The following SLC4A4 variants were observed in gnomAD, a reference collection of about 807,000 sequenced individuals.
SLC4A4 encodes solute carrier family 4 member 4, also known as electrogenic sodium bicarbonate cotransporter 1.
In SLC4A4, 27 loss-of-function variants were observed where a neutral mutation model predicts 111.5. That is an observed-to-expected ratio of 0.24 (90% CI 0.18 to 0.33). The LOEUF (loss-of-function observed/expected upper bound fraction) is 0.33. SLC4A4 is among the 10% of genes least tolerant of loss of function. SLC4A4 has a pLI of 1.00. For missense variants in SLC4A4, 909 were observed against 1,315.5 expected (o/e 0.69, Z 4.78); for synonymous variants, 443 against 463.4 (o/e 0.96, Z 0.57).
intron 1 of SLC4A4, among the ~76,000 whole-genome samples, chr4:71,234,821 A>G (rs2149035950): frequency 6.6e-6 from 1 of 152,216 alleles, no homozygotes; most frequent in Non-Finnish European, 1.5e-5. Flanking sequence ...TTTTAGTTTG[A>G]GTATAGAGAA....
chr4:71,419,745 C>T (rs528615012), intron 7 of SLC4A4, among the ~76,000 whole-genome samples: 24 of 152,320 alleles, frequency 1.6e-4, no homozygotes, highest in African/African-American at 4.3e-4. Context: ...GAGATGAACC[C>T]GGTACCTCAG....
chr4:71,103,124 GT>G (rs1742808378), intron 2 of SLC4A4, among the ~76,000 whole-genome samples: 1 of 151,912 alleles, frequency 6.6e-6, no homozygotes, highest in African/African-American at 2.4e-5. Flanking sequence ...TGCAATCCTA[GT>G]TTCTGATAAA....
intron 6 of SLC4A4, among the ~76,000 whole-genome samples, chr4:71,382,553 A>G (rs1044204676): frequency 6.6e-6 from 1 of 152,222 alleles, no homozygotes; most frequent in Non-Finnish European, 1.5e-5. Context: ...TACCTGGGAT[A>G]TTGAAACAGT....
chr4:71,286,020 C>T (rs892042843), intron 3 of SLC4A4, among the ~76,000 whole-genome samples: 18 of 152,060 alleles, frequency 1.2e-4, no homozygotes, highest in Admixed American at 6.6e-5. Flanking sequence ...GGGTGGATCA[C>T]GAGGTCAGAA....
At chr4:71,080,255 C>T (rs371682582) in intron 1 of SLC4A4, among the ~76,000 whole-genome samples, 1 of 152,024 alleles carries the variant, frequency 6.6e-6, no homozygotes. Flanking sequence ...AGAGACTACC[C>T]ACGAGTGTCC....
At chr4:71,180,808 G>C (rs540781141) in intron 2 of SLC4A4, among the ~76,000 whole-genome samples, 17 of 152,232 alleles carry the variant, frequency 1.1e-4, no homozygotes, top group African/African-American at 4.1e-4. Context: ...CAGGGATCTA[G>C]AACTAGCAAT....
chr4:71,240,941 A>G (rs1720160690), intron 2 of SLC4A4, among the ~76,000 whole-genome samples: 1 of 151,924 alleles, frequency 6.6e-6, no homozygotes, highest in South Asian at 2.1e-4. Flanking sequence ...AACATGGCAA[A>G]ACCCCATGTC....
chr4:71,071,337 G>T (rs1741655011), intron 1 of SLC4A4, among the ~76,000 whole-genome samples: 1 of 151,346 alleles, frequency 6.6e-6, no homozygotes, highest in South Asian at 2.1e-4. Context: ...TCAATGGAAA[G>T]ATCTAAGACC....
intron 6 of SLC4A4, among the ~76,000 whole-genome samples, chr4:71,368,277 A>G (rs1731519788): frequency 6.6e-6 from 1 of 152,238 alleles, no homozygotes. Flanking sequence ...TGTAGCCTGC[A>G]ACATTATTTA....
intron 6 of SLC4A4, 150 bp downstream of exon 6, chr4:71,357,337 C>T (rs1346909660): frequency 6.2e-6 from 5 of 809,086 alleles, no homozygotes; most frequent in Non-Finnish European, 1.0e-5. Context: ...CATTTTTAAT[C>T]CAGTTGGACA....
chr4:71,359,162 A>G (rs1262018751), intron 6 of SLC4A4, among the ~76,000 whole-genome samples: 1 of 152,236 alleles, frequency 6.6e-6, no homozygotes, highest in Non-Finnish European at 1.5e-5. Flanking sequence ...AATACAACTA[A>G]TGAGTTAATA....
intron 1 of SLC4A4, among the ~76,000 whole-genome samples, chr4:71,196,069 C>G (rs1373124064): frequency 6.6e-6 from 1 of 152,178 alleles, no homozygotes; most frequent in Non-Finnish European, 1.5e-5. Flanking sequence ...GGCTGCACTC[C>G]TGAAACTCTC....
chr4:71,428,951 A>G (rs182031490), intron 7 of SLC4A4, among the ~76,000 whole-genome samples: 1 of 152,270 alleles, frequency 6.6e-6, no homozygotes, highest in Admixed American at 6.5e-5. Flanking sequence ...ATTCTAGTAA[A>G]TTAGATTTAA....
chr4:71,385,838 C>T (rs370554006), intron 6 of SLC4A4, among the ~76,000 whole-genome samples: 6 of 152,140 alleles, frequency 3.9e-5, no homozygotes, highest in South Asian at 2.1e-4. Flanking sequence ...TCCTGCTTTA[C>T]GAGACTGATT....
intron 7 of SLC4A4, among the ~76,000 whole-genome samples, chr4:71,431,303 T>A (rs1481781780): frequency 6.6e-6 from 1 of 151,958 alleles, no homozygotes; most frequent in African/African-American, 2.4e-5. Flanking sequence ...GAGTTAAAAT[T>A]TTAGTGTGTC....
intron 22 of SLC4A4, among the ~76,000 whole-genome samples, chr4:71,558,863 T>TA (rs540243901): frequency 1.3e-4 from 20 of 151,176 alleles, no homozygotes; most frequent in South Asian, 2.1e-4. Context: ...TTCCTTTTTT[T>TA]AAAAAAAAAC....
At chr4:71,526,179 A>G (rs4146676) in intron 16 of SLC4A4, among the ~76,000 whole-genome samples, 1 of 151,832 alleles carries the variant, frequency 6.6e-6, no homozygotes, top group East Asian at 1.9e-4. Context: ...GGGGATTTAG[A>G]GTTGAATATA....
intron 3 of SLC4A4, among the ~76,000 whole-genome samples, chr4:71,314,776 G>A (rs1726541921): frequency 6.6e-6 from 1 of 151,884 alleles, no homozygotes; most frequent in African/African-American, 2.4e-5. Context: ...GGGGAGTGGG[G>A]TGCAAGGGGA....
intron 1 of SLC4A4, among the ~76,000 whole-genome samples, chr4:71,063,396 C>T (rs1456340120): frequency 6.6e-6 from 1 of 152,084 alleles, no homozygotes; most frequent in Non-Finnish European, 1.5e-5. Context: ...TATTTTATTA[C>T]AATTCTAGCT....
Sources: gnomAD v4.1 joint callset for allele counts (sites outside exome capture counted in the v4.1 genomes callset) on GRCh38, gnomAD v4.1.1 for gene constraint, MANE v1.5 for transcripts, NCBI Gene and HGNC (gene_info 2026-07-23, HGNC 2026-07-21) for gene names.